Variants in FGF12 observed in about 807,000 individuals in gnomAD.
The protein encoded by FGF12 is fibroblast growth factor 12.
Under a neutral mutation model 23.6 loss-of-function variants are expected in FGF12, and 14 were observed. The ratio of observed to expected loss-of-function variants is 0.59; its 90% CI spans 0.39 to 0.93. FGF12 has a LOEUF of 0.93. FGF12 is among the 40% of genes least tolerant of loss of function. The pLI is 0.00. For missense variants in FGF12, 175 were observed against 217.8 expected (o/e 0.80, Z 1.24); for synonymous variants, 62 against 77.3 (o/e 0.80, Z 1.04).
chr3:192,344,627 T>C (rs1238953328), intron 3 of FGF12, among the ~76,000 whole-genome samples: 1 of 152,190 alleles, frequency 6.6e-6, no homozygotes, highest in African/African-American at 2.4e-5. Flanking sequence ...CTTCTAAGCA[T>C]TGGCTGACAG....
chr3:192,432,252 T>G (rs1239454678), intron 2 of FGF12, among the ~76,000 whole-genome samples: 1 of 152,154 alleles, frequency 6.6e-6, no homozygotes. Context: ...AATAAATAAG[T>G]GTACTACAGG....
At chr3:192,464,655 T>C (rs901043603) in intron 2 of FGF12, among the ~76,000 whole-genome samples, 1 of 152,156 alleles carries the variant, frequency 6.6e-6, no homozygotes, top group Non-Finnish European at 1.5e-5. Context: ...TTTCACATAA[T>C]GACTTCTTTT....
intron 4 of FGF12, among the ~76,000 whole-genome samples, chr3:192,262,162 C>T (rs1404089294): frequency 6.6e-6 from 1 of 152,170 alleles, no homozygotes; most frequent in Non-Finnish European, 1.5e-5. Flanking sequence ...TTTGTGCTGA[C>T]TCCGTACACA....
At chr3:192,421,476 A>T (rs1384788511) in intron 2 of FGF12, among the ~76,000 whole-genome samples, 1 of 152,132 alleles carries the variant, frequency 6.6e-6, no homozygotes, top group Non-Finnish European at 1.5e-5. Flanking sequence ...GTCAGCATGG[A>T]ACACTATGCA....
intron 2 of FGF12, among the ~76,000 whole-genome samples, chr3:192,572,789 C>G (rs927368221): frequency 2.0e-5 from 3 of 152,074 alleles, no homozygotes; most frequent in African/African-American, 7.2e-5. Context: ...TTTTTATGTA[C>G]AATTTAAAAT....
chr3:192,611,551 C>T (rs1258551448), intron 2 of FGF12, among the ~76,000 whole-genome samples: 1 of 151,994 alleles, frequency 6.6e-6, no homozygotes, highest in Middle Eastern at 3.4e-3. Flanking sequence ...AAAAGTGCAC[C>T]GTCAGGCAAT....
At chr3:192,457,620 C>A (rs926652834) in intron 2 of FGF12, among the ~76,000 whole-genome samples, 1 of 152,124 alleles carries the variant, frequency 6.6e-6, no homozygotes, top group African/African-American at 2.4e-5. Context: ...ACAGCAAAAG[C>A]GTTCAAAAGG....
At chr3:192,147,261 T>C (rs1279297319) in intron 5 of FGF12, among the ~76,000 whole-genome samples, 1 of 152,184 alleles carries the variant, frequency 6.6e-6, no homozygotes, top group Non-Finnish European at 1.5e-5. Flanking sequence ...GATTCAGTAA[T>C]ATATCTAAGA....
chr3:192,542,876 T>C (rs945359828), intron 2 of FGF12, among the ~76,000 whole-genome samples: 3 of 152,192 alleles, frequency 2.0e-5, no homozygotes. Flanking sequence ...AGCTCTGTGC[T>C]GAGCTAACTA....
At chr3:192,317,858 C>T (rs1392755321) in intron 4 of FGF12, among the ~76,000 whole-genome samples, 1 of 152,142 alleles carries the variant, frequency 6.6e-6, no homozygotes, top group African/African-American at 2.4e-5. Flanking sequence ...TCATCTACCT[C>T]CAGCTCCAGG....
intron 2 of FGF12, among the ~76,000 whole-genome samples, chr3:192,646,765 A>T (rs1577096998): frequency 6.6e-6 from 1 of 152,182 alleles, no homozygotes; most frequent in African/African-American, 2.4e-5. Flanking sequence ...TGCAGTGCTG[A>T]AAGTGTTCTG....
chr3:192,561,397 C>G (rs1712015252), intron 2 of FGF12, among the ~76,000 whole-genome samples: 1 of 151,840 alleles, frequency 6.6e-6, no homozygotes, highest in Non-Finnish European at 1.5e-5. Flanking sequence ...GAGTCTCGCT[C>G]TTTCACCCAG....
intron 4 of FGF12, among the ~76,000 whole-genome samples, chr3:192,197,946 C>CAAAAAAAA (rs11328919): frequency 2.0e-5 from 1 of 49,130 alleles, no homozygotes; most frequent in Non-Finnish European, 3.6e-5. Flanking sequence ...AATTCCTCCT[C>CAAAAAAAA]AAAAAAAAAA....
At chr3:192,661,168 AAC>A (rs67673661) in intron 2 of FGF12, among the ~76,000 whole-genome samples, 17,272 of 152,116 alleles carry the variant, frequency 0.11, 1,078 homozygotes, top group South Asian at 0.22. Context: ...AAAGCAAGGT[AAC>A]AAAATAGCCA....
In FGF12 at chr3:192,550,581, TA is replaced by T. The variant is rs201336664; in HGVS notation, c.13+176599del. Among the ~76,000 whole-genome samples the T allele has an allele frequency of 3.0e-3, 451 of 151,788 alleles. 7 individuals carry two copies. The highest frequency in any genetic ancestry group is 0.028 in the Admixed American group (420 of 15,234). On this transcript the variant is annotated intron_variant, in intron 2 of 5. Transcript: ENST00000445105. Reference sequence around the variant, plus strand: ...GTAGTATGTCAAGTTTGCTAAGCCTTAAAAAAAGGAAGAGGGCCGTTTCAGA... The same window carrying T: ...GTAGTATGTCAAGTTTGCTAAGCCTTAAAAAAGGAAGAGGGCCGTTTCAGA...
At chr3:192,249,617 A>G (rs941839833) in intron 4 of FGF12, among the ~76,000 whole-genome samples, 3 of 152,092 alleles carry the variant, frequency 2.0e-5, no homozygotes, top group Non-Finnish European at 4.4e-5. Context: ...GCTAGGGAAC[A>G]TTGATTGTTT....
chr3:192,241,733 T>G (rs377742061), intron 4 of FGF12, among the ~76,000 whole-genome samples: 8 of 152,294 alleles, frequency 5.3e-5, no homozygotes, highest in Middle Eastern at 3.4e-3. Flanking sequence ...GATAGTTCCA[T>G]GAGGGAAAGG....
chr3:192,324,072 A>G (rs1376981519), intron 4 of FGF12, among the ~76,000 whole-genome samples: 1 of 152,004 alleles, frequency 6.6e-6, no homozygotes, highest in East Asian at 1.9e-4. Flanking sequence ...AGCCTGGGCG[A>G]CAGAGCGAGA....
At chr3:192,305,055 TAACA>T (rs1443441181) in intron 4 of FGF12, among the ~76,000 whole-genome samples, 1 of 151,726 alleles carries the variant, frequency 6.6e-6, no homozygotes, top group Non-Finnish European at 1.5e-5. Flanking sequence ...CAAGAGAGAT[TAACA>T]GAGAAGGGAG....
Sources: allele counts gnomAD v4.1 joint callset (sites outside exome capture counted in the v4.1 genomes callset), GRCh38; gene constraint gnomAD v4.1.1; transcripts MANE v1.5; gene names NCBI Gene and HGNC (gene_info 2026-07-23, HGNC 2026-07-21).